Variants in PCDHA7 observed in about 807,000 individuals in gnomAD.
PCDHA7 encodes the protein protocadherin alpha 7.
PCDHA7 carries 37 observed loss-of-function variants against 57.2 expected under a neutral mutation model. The ratio of observed to expected loss-of-function variants is 0.65; its 90% confidence interval spans 0.50 to 0.85. The LOEUF (loss-of-function observed/expected upper bound fraction) is 0.85, where lower values mean the gene tolerates loss of function less well. Ranked by LOEUF, PCDHA7 falls within the 40% of genes least tolerant of loss-of-function variation. PCDHA7 has a pLI of 0.00. For synonymous variants in PCDHA7, 553 were observed against 558.8 expected, an observed-to-expected ratio of 0.99 and a Z score of 0.15; for missense variants, 1,188 against 1,241.8, an observed-to-expected ratio of 0.96 and a Z score of 0.65.
At chr5:140,898,906 G>A (rs199581699) in intron 1 of PCDHA7, among the ~76,000 whole-genome samples, 45,464 of 151,416 alleles carry the variant, frequency 0.3, 7,269 homozygotes, top group East Asian at 0.52. Context: ...GGTCCTTCAC[G>A]TCCCTTGTAA....
intron 1 of PCDHA7, among the ~76,000 whole-genome samples, chr5:140,897,713 A>C (rs2066278692): frequency 1.3e-5 from 2 of 152,302 alleles, no homozygotes; most frequent in East Asian, 3.9e-4. Flanking sequence ...CAGTAATGGG[A>C]TGGCTGGGTC....
chr5:140,926,769 G>T lies in PCDHA7; in HGVS notation c.2356-52180G>T, dbSNP rs1584462454. 7.3e-6 allele frequency: 10 copies of T among 1,360,582 alleles called. No individual in the cohort carries two copies. In the East Asian group the frequency reaches 2.4e-4, roughly 33 times the overall value. 84.3% of individuals were successfully genotyped at this position (1,360,582 alleles called of 1,614,324 possible). On this transcript the variant is annotated intron_variant, in intron 1 of 3. Coordinates refer to ENST00000525929, the MANE Select transcript of PCDHA7 (RefSeq NM_018910.3). ...TCGGCGGTCGCTGAGTATCCAGCCCGCAGCAGTGACGGCCGGCAGGAGCGT... is the reference window on the plus strand; with the variant it reads ...TCGGCGGTCGCTGAGTATCCAGCCCTCAGCAGTGACGGCCGGCAGGAGCGT...
intron 1 of PCDHA7, among the ~76,000 whole-genome samples, chr5:140,846,000 GA>G (rs1346490644): frequency 1.3e-5 from 2 of 149,558 alleles, no homozygotes; most frequent in African/African-American, 2.4e-5. Context: ...GTGGTGGAAT[GA>G]AAAAAATCTA....
At chr5:140,877,435 G>A (rs1354877569) in intron 1 of PCDHA7, 1 of 1,613,736 alleles carries the variant, frequency 6.2e-7, no homozygotes, top group African/African-American at 1.3e-5. Context: ...GAAGGACCAC[G>A]GTGAGCCCGC....
chr5:140,937,197 C>T (rs1228010742), intron 1 of PCDHA7, among the ~76,000 whole-genome samples: 2 of 151,938 alleles, frequency 1.3e-5, no homozygotes, highest in African/African-American at 2.4e-5. Flanking sequence ...GCCACCATGC[C>T]CGGCTAATTT....
Position 141,010,486 on chromosome 5 carries a change from A to C in PCDHA7, c.*549A>C. 1 of 674,072 alleles carries C rather than the reference A, an allele frequency of 1.5e-6. No individual in the cohort carries two copies. Among genetic ancestry groups the C allele is most frequent in the Non-Finnish European group, 2.3e-6 (1 of 434,544 alleles). The allele number at this position is 674,072 out of a possible 1,614,324, so 41.8% of individuals were successfully genotyped here. On this transcript the variant is annotated 3_prime_UTR_variant, in exon 4 of 4. Transcript: ENST00000525929. ...GTATGGAGGGGAAGTGTAAACTTAAAGGGACCAGACTTTCTAAATCTTACA... is the reference window on the plus strand; with the variant it reads ...GTATGGAGGGGAAGTGTAAACTTAACGGGACCAGACTTTCTAAATCTTACA...
chr5:140,925,108 G>GGGAA (rs1299910272), intron 1 of PCDHA7, among the ~76,000 whole-genome samples: 1 of 124,780 alleles, frequency 8.0e-6, no homozygotes, highest in East Asian at 2.1e-4. Flanking sequence ...GAAGGAAGGA[G>GGGAA]GGAAGGAAGG....
At chr5:140,884,129 C>T (rs1554181252) in intron 1 of PCDHA7, 1 of 1,613,420 alleles carries the variant, frequency 6.2e-7, no homozygotes, top group Non-Finnish European at 8.5e-7. Context: ...CGCGCGCATC[C>T]CGTTCCGCGT....
rs1422466475 is a variant in PCDHA7 at position 140,877,665 on chromosome 5, G to A, written c.2355+40927G>A. 5.0e-6 allele frequency: 8 copies of A among 1,613,522 alleles called. No homozygotes were observed. In the African/African-American group the frequency reaches 8.0e-5, roughly 16 times the overall value. On this transcript the variant is annotated intron_variant, in intron 1 of 3. Coordinates refer to ENST00000525929, the MANE Select transcript of PCDHA7 (RefSeq NM_018910.3). ...GCTCAGCGCCGCCCACCGTGAGCCGGTGCGCGCCGGGCAAGCCCACGCTGG... is the reference window on the plus strand; with the variant it reads ...GCTCAGCGCCGCCCACCGTGAGCCGATGCGCGCCGGGCAAGCCCACGCTGG...
Position 140,849,797 on chromosome 5 carries a change from A to G in PCDHA7, c.2355+13059A>G, listed in dbSNP as rs2150450643. On this transcript the variant is annotated intron_variant, in intron 1 of 3. Coordinates refer to ENST00000525929, the MANE Select transcript of PCDHA7 (RefSeq NM_018910.3). ...CCGCGCGGGACGGGGGCTCGCCTTC[A>G]CTGTGGGCCACGGCCAGGGTGTCTG... 700 of 1,597,928 alleles carry G rather than the reference A, an allele frequency of 4.4e-4. 59 individuals carry two copies. Among genetic ancestry groups the G allele is most frequent in the Non-Finnish European group, 5.7e-4 (663 of 1,167,700 alleles).
rs2150243893 is a variant in PCDHA7 at position 140,835,745 on chromosome 5, G to C, written c.1362G>C (p.Ala454=). 1.2e-6 allele frequency: 2 copies of C among 1,613,472 alleles called. No homozygotes were observed. Among genetic ancestry groups the C allele is most frequent in the South Asian group, 2.2e-5 (2 of 91,054 alleles). Reference sequence around the variant, plus strand: ...CCGACGTGAACGACAACGCCCCGGCGTTCGCGCAGCCCGAGTATACGGTGT... The same window carrying C: ...CCGACGTGAACGACAACGCCCCGGCCTTCGCGCAGCCCGAGTATACGGTGT... ...EVADVNDNAP[A]FAQPEYTVFV... Residue 454 remains alanine (A), a synonymous_variant, in exon 1 of 4, where the codon GCG becomes GCC. Transcript: ENST00000525929.
rs1404110882 is a variant in PCDHA7 at position 140,968,973 on chromosome 5, C to A, written c.2356-9976C>A. On this transcript the variant is annotated intron_variant, in intron 1 of 3. Transcript: ENST00000525929. ...ATCATCAAGTGCTACCGCTACACTG[C>A]GTATGGCACTGCATGCTGTGGAGGC... is the stretch of plus-strand genomic sequence containing the variant. The A allele has an allele frequency of 6.2e-7, 1 of 1,614,194 alleles. No homozygotes were observed. The highest frequency in any genetic ancestry group is 1.3e-5 in the African/African-American group (1 of 75,044).
chr5:140,854,117 G>T, intron 1 of PCDHA7: 1 of 316,936 alleles, frequency 3.2e-6, no homozygotes, highest in Non-Finnish European at 4.3e-6. Flanking sequence ...AACTGTGATG[G>T]CACAACTGCA....
chr5:140,875,206 A>G (rs1554167551), intron 1 of PCDHA7: 2 of 644,508 alleles, frequency 3.1e-6, no homozygotes, highest in South Asian at 3.9e-5. Context: ...AAGTGGCTAA[A>G]CCGAAAAGAA....
intron 3 of PCDHA7, among the ~76,000 whole-genome samples, chr5:141,007,687 C>T (rs1434828672): frequency 1.3e-5 from 2 of 152,200 alleles, no homozygotes; most frequent in Non-Finnish European, 2.9e-5. Flanking sequence ...TATCCTACTT[C>T]CACCTCCCTC....
chr5:141,010,446 C>G lies in PCDHA7; in HGVS notation c.*509C>G, dbSNP rs951181939. 39 of 944,590 alleles carry G rather than the reference C, an allele frequency of 4.1e-5. No homozygotes were observed. Among genetic ancestry groups the G allele is most frequent in the Non-Finnish European group, 5.6e-5 (37 of 656,282 alleles). The allele number at this position is 944,590 out of a possible 1,614,324, so 58.5% of individuals were successfully genotyped here. On this transcript the variant is annotated 3_prime_UTR_variant, in exon 4 of 4. Coordinates refer to ENST00000525929, the MANE Select transcript of PCDHA7 (RefSeq NM_018910.3). ...AGGCAAGAAAACAAAGACAAATAAA[C>G]AGCGGAAGTTATCAGTATGGAGGGG...
intron 1 of PCDHA7, chr5:140,928,543 A>G: frequency 6.2e-7 from 1 of 1,614,204 alleles, no homozygotes; most frequent in Non-Finnish European, 8.5e-7. Context: ...TAGGAATGAC[A>G]ATTATCCGGT....
intron 1 of PCDHA7, chr5:140,869,124 G>C: frequency 6.2e-7 from 1 of 1,608,632 alleles, no homozygotes; most frequent in East Asian, 2.2e-5. Flanking sequence ...TTCAGAGAAG[G>C]GGATTGGGCA....
chr5:140,966,541 G>C (rs2096018356), intron 1 of PCDHA7: 3 of 462,844 alleles, frequency 6.5e-6, no homozygotes, highest in African/African-American at 2.0e-5. Context: ...TGAGCGACTC[G>C]GAGGCGAGCG....
Sources: gnomAD v4.1 joint callset for allele counts (sites outside exome capture counted in the v4.1 genomes callset) on GRCh38, gnomAD v4.1.1 for gene constraint, MANE v1.5 for transcripts, NCBI Gene and HGNC (gene_info 2026-07-23, HGNC 2026-07-21) for gene names.